The following C15orf39 variants were observed in gnomAD, a reference collection of about 807,000 sequenced individuals.
C15orf39 encodes the protein uncharacterized protein C15orf39.
In C15orf39, 24 loss-of-function variants were observed where a neutral mutation model predicts 53.9. The ratio of observed to expected loss-of-function variants is 0.45; its 90% CI spans 0.32 to 0.63. The LOEUF (loss-of-function observed/expected upper bound fraction) is 0.63, where lower values mean the gene tolerates loss of function less well. Among genes scored for constraint, C15orf39 ranks in the 20% least tolerant of loss-of-function variants. The pLI, the probability that C15orf39 is intolerant of heterozygous loss-of-function variation, is 0.04. For synonymous variants in C15orf39, 569 were observed against 576.5 expected (o/e 0.99, Z 0.19); for missense variants, 1,271 against 1,347.9 (o/e 0.94, Z 0.89).
chr15:75,208,538 G>A lies in C15orf39; in HGVS notation c.2490G>A (p.Arg830=). 6.3e-7 allele frequency: 1 copy of A among 1,575,028 alleles called. No individual in the cohort carries two copies. The highest frequency in any genetic ancestry group is 8.6e-7 in the Non-Finnish European group (1 of 1,161,794). ...SQLQRFDRTH[R]CPFPHVVRAG... ...TGCAGCGCTTCGATCGCACCCACCG[G>A]TGCCCCTTCCCCCATGTGGTGCGAG... The change falls in exon 2 of 3, where the codon CGG becomes CGA. Residue 830 remains arginine, a synonymous_variant. Transcript: ENST00000394987.
Position 75,207,506 on chromosome 15 carries a change from T to C in C15orf39, c.1458T>C (p.Leu486=). ...LPPCARECQS[L]PQKEGARPPS... is the part of the protein sequence containing the mutation. ...CCTGTGCCCGGGAGTGCCAGTCTCT[T>C]CCACAGAAGGAGGGCGCAAGGCCAC... Residue 486 remains leucine, a synonymous_variant, in exon 2 of 3, where the codon CTT becomes CTC. Coordinates refer to ENST00000394987, the MANE Select transcript of C15orf39 (RefSeq NM_015492.5). 2 of 1,613,002 alleles carry C rather than the reference T, an allele frequency of 1.2e-6. No individual in the cohort carries two copies. Among genetic ancestry groups the C allele is most frequent in the Non-Finnish European group, 8.5e-7 (1 of 1,179,806 alleles).
intron 2 of C15orf39, among the ~76,000 whole-genome samples, chr15:75,210,518 CCAAA>C (rs1841785396): frequency 2.6e-5 from 4 of 152,306 alleles, no homozygotes; most frequent in African/African-American, 9.6e-5. Flanking sequence ...ATCCTTGTAC[CCAAA>C]CAGCCTCTCC....
rs1281136726 is a variant in C15orf39, at chr15:75,206,164, A to T, written c.116A>T (p.Asp39Val). 6.2e-7 allele frequency: 1 copy of T among 1,613,978 alleles called. No homozygotes were observed. The highest frequency in any genetic ancestry group is 1.7e-5 in the Admixed American group (1 of 59,996). Residue 39 changes from aspartate (D) to valine (V), a missense_variant, in exon 2 of 3, where the codon GAT (aspartate) becomes GTT (valine). Physicochemically the swap from Asp to Val is radical, Grantham distance 152. This residue lies in a region of C15orf39 where 994 missense variants were observed against 993.7 expected (regional missense o/e 1.00). Coordinates refer to ENST00000394987, the MANE Select transcript of C15orf39 (RefSeq NM_015492.5). ...CTGCCCCACTCTGTTGGTAACCAGG[A>T]TCCCTGCACCTACAAGGGGTCCTAC... ...HSLPHSVGNQ[D>V]PCTYKGSYFS...
intron 2 of C15orf39, among the ~76,000 whole-genome samples, chr15:75,210,505 C>T (rs57536322): frequency 2.0e-5 from 3 of 152,202 alleles, no homozygotes. Context: ...CCCCTTTGCT[C>T]TCATCCTTGT....
upstream of C15orf39, among the ~76,000 whole-genome samples, chr15:75,200,275 C>G (rs1241467748): frequency 6.6e-6 from 1 of 152,146 alleles, no homozygotes; most frequent in Non-Finnish European, 1.5e-5. Context: ...GTGAGGTGTC[C>G]CTGAATTAAC....
In C15orf39 at chr15:75,208,191, G is replaced by T; in HGVS notation, c.2143G>T (p.Ala715Ser). The change falls in exon 2 of 3, where the codon GCT (alanine) becomes TCT (serine). Residue 715 changes from alanine (A) to serine (S), a missense_variant. Transcript: ENST00000394987. ...SLALPSPPAVAVASPAPAPAP... is the reference protein window; with the variant it reads ...SLALPSPPAVSVASPAPAPAP... ...GGCACTGCCCAGCCCTCCAGCCGTA[G>T]CTGTGGCCTCCCCTGCCCCTGCTCC... The T allele has an allele frequency of 6.2e-7, 1 of 1,613,942 alleles. No homozygotes were observed. The highest frequency in any genetic ancestry group is 2.2e-5 in the East Asian group (1 of 44,890).
rs930564692 is a variant in C15orf39 at position 75,211,813 on chromosome 15, C to G, written c.*697C>G. 3 of 152,270 alleles carry G rather than the reference C, an allele frequency of 2.0e-5. No homozygotes were observed. Among genetic ancestry groups the G allele is most frequent in the Admixed American group, 6.5e-5 (1 of 15,286 alleles). 9.4% of individuals were successfully genotyped at this position (152,270 alleles called of 1,614,324 possible). On this transcript the variant is annotated 3_prime_UTR_variant, in exon 3 of 3. Coordinates refer to ENST00000394987, the MANE Select transcript of C15orf39 (RefSeq NM_015492.5). Reference sequence around the variant, plus strand: ...TCTGGGCCTGCTGCTGCCGCCACCCCAGGAGGCCCCAGGCCTGTCCTGAAT... The same window carrying G: ...TCTGGGCCTGCTGCTGCCGCCACCCGAGGAGGCCCCAGGCCTGTCCTGAAT...
chr15:75,204,968 C>T (rs2070428338), intron 1 of C15orf39, among the ~76,000 whole-genome samples: 1 of 152,140 alleles, frequency 6.6e-6, no homozygotes, highest in African/African-American at 2.4e-5. Flanking sequence ...TGCTGGGCTG[C>T]CCTGACTCCT....
Position 75,211,201 on chromosome 15 carries a change from T to C in C15orf39, c.*85T>C. On this transcript the variant is annotated 3_prime_UTR_variant, in exon 3 of 3. Coordinates refer to ENST00000394987, the MANE Select transcript of C15orf39 (RefSeq NM_015492.5). Reference sequence around the variant, plus strand: ...CAGCTGCCCCGGGGCCACGAGTGGATGCTGGGGCTGTGGCTGCTCCCCTGG... The same window carrying C: ...CAGCTGCCCCGGGGCCACGAGTGGACGCTGGGGCTGTGGCTGCTCCCCTGG... 6.7e-7 allele frequency: 1 copy of C among 1,494,942 alleles called. No individual in the cohort carries two copies. The highest frequency in any genetic ancestry group is 8.9e-7 in the Non-Finnish European group (1 of 1,122,124). 92.6% of individuals were successfully genotyped at this position (1,494,942 alleles called of 1,614,324 possible). A position where few individuals can be genotyped will look rare whatever the true frequency, so the allele number is the denominator to read the frequency against.
chr15:75,203,055 G>A (rs1567136496), intron 1 of C15orf39, among the ~76,000 whole-genome samples: 1 of 152,266 alleles, frequency 6.6e-6, no homozygotes, highest in East Asian at 1.9e-4. Context: ...AGAGCCCAGA[G>A]CCTCAGGTAG....
chr15:75,208,310 A>T lies in C15orf39; in HGVS notation c.2262A>T (p.Ala754=). ...APAPVAGPAP[A]STSAPGDSLE... ...CTCCAGTTGCAGGCCCTGCTCCAGC[A>T]TCTACTTCAGCCCCAGGGGACTCCC... is the stretch of plus-strand genomic sequence containing the variant. The change falls in exon 2 of 3, where the codon GCA becomes GCT. Residue 754 remains alanine, a synonymous_variant. Transcript: ENST00000394987. The T allele has an allele frequency of 6.3e-7, 1 of 1,576,174 alleles. No homozygotes were observed. The highest frequency in any genetic ancestry group is 8.6e-7 in the Non-Finnish European group (1 of 1,160,698).
In C15orf39 at chr15:75,207,060, C is replaced by T; in HGVS notation, c.1012C>T (p.Leu338=). The change falls in exon 2 of 3, where the codon CTG becomes TTG. Residue 338 remains leucine (L), a synonymous_variant. Transcript: ENST00000394987. ...QAAQAPYIPP[L]GLDAYPYPSA... is the part of the protein sequence containing the mutation. ...AGCCCAGGCACCTTACATTCCCCCA[C>T]TGGGGCTGGACGCTTACCCCTACCC... The T allele has an allele frequency of 1.9e-6, 3 of 1,610,400 alleles. No individual in the cohort carries two copies. The highest frequency in any genetic ancestry group is 1.3e-5 in the African/African-American group (1 of 74,972).
chr15:75,206,304 A>C lies in C15orf39; in HGVS notation c.256A>C (p.Asn86His). ...GMAGPPLQAD[N>H]LLTNCLFYRS... ...GGCAGGACCCCCACTTCAGGCAGAC[A>C]ACCTGCTGACCAACTGCCTGTTCTA... Residue 86 changes from asparagine to histidine, a missense_variant, in exon 2 of 3, where the codon AAC (asparagine) becomes CAC (histidine). By Grantham distance (68) the Asn-to-His change is moderately conservative (BLOSUM62 1). Coordinates refer to ENST00000394987, the MANE Select transcript of C15orf39 (RefSeq NM_015492.5). 7.4e-6 allele frequency: 12 copies of C among 1,614,028 alleles called. No homozygotes were observed. Among genetic ancestry groups the C allele is most frequent in the Non-Finnish European group, 1.0e-5 (12 of 1,179,972 alleles).
Position 75,208,025 on chromosome 15 carries a change from G to A in C15orf39, c.1977G>A (p.Pro659=), listed in dbSNP as rs142490711. 121 of 1,613,890 alleles carry A rather than the reference G, an allele frequency of 7.5e-5. No homozygotes were observed. The highest frequency in any genetic ancestry group is 3.3e-4 in the Middle Eastern group (2 of 6,084). ...TCCGAAAGTTCAAGATCCTCCGTCCGGCACCTTTGCCTGCAGCCGTGGTCC... is the reference window on the plus strand; with the variant it reads ...TCCGAAAGTTCAAGATCCTCCGTCCAGCACCTTTGCCTGCAGCCGTGGTCC... ...FMFRKFKILR[P]APLPAAVVPS... The change falls in exon 2 of 3, where the codon CCG becomes CCA. Residue 659 remains proline, a synonymous_variant. Coordinates refer to ENST00000394987, the MANE Select transcript of C15orf39 (RefSeq NM_015492.5).
chr15:75,201,185 C>A (rs994382568), upstream of C15orf39, among the ~76,000 whole-genome samples: 3 of 152,300 alleles, frequency 2.0e-5, no homozygotes, highest in Non-Finnish European at 4.4e-5. The surrounding 1 kb of genome is among the most constrained non-coding windows in gnomAD (Gnocchi z 4.7). Context: ...TTCCCCCCTC[C>A]AGCCTCTCTT....
chr15:75,209,222 T>G (rs2070466240), intron 2 of C15orf39: 5 of 194,966 alleles, frequency 2.6e-5, no homozygotes, highest in South Asian at 1.7e-4. Flanking sequence ...TTGTGAGCTC[T>G]AGCCCTAAAT....
chr15:75,208,829 G>A lies in C15orf39; in HGVS notation c.2776+5G>A, dbSNP rs761724857. The A allele has an allele frequency of 6.3e-7, 1 of 1,583,852 alleles. No homozygotes were observed. Among genetic ancestry groups the A allele is most frequent in the South Asian group, 1.1e-5 (1 of 87,466 alleles). On this transcript the variant is annotated splice_donor_5th_base_variant and intron_variant, in intron 2 of 2. Transcript: ENST00000394987. ...ACTGTGTACGCCGCCAGCTGGGTGA[G>A]CATGGGGCAGCCCCAGTGGCCACCG...
At chr15:75,199,830 C>T (rs548131105), upstream of C15orf39, among the ~76,000 whole-genome samples, 31 of 152,346 alleles carry the variant, frequency 2.0e-4, no homozygotes, top group African/African-American at 7.0e-4. Flanking sequence ...CTGTTCCCTT[C>T]TCTGCTTTTA....
rs200450891 is a variant in C15orf39 at position 75,207,464 on chromosome 15, C to G, written c.1416C>G (p.Thr472=). Residue 472 remains threonine, a synonymous_variant, in exon 2 of 3, where the codon ACC becomes ACG. Transcript: ENST00000394987. Reference sequence around the variant, plus strand: ...TCCGAGACAGTCCAGTTCCCTGTACCCCCCCAGCACTGCCCCCCTGTGCCC... The same window carrying G: ...TCCGAGACAGTCCAGTTCCCTGTACGCCCCCAGCACTGCCCCCCTGTGCCC... ...IVIRDSPVPC[T]PPALPPCARE... 1.2e-6 allele frequency: 2 copies of G among 1,613,572 alleles called. No homozygotes were observed. Among genetic ancestry groups the G allele is most frequent in the South Asian group, 1.1e-5 (1 of 91,074 alleles).
Sources: gnomAD v4.1 joint callset for allele counts (sites outside exome capture counted in the v4.1 genomes callset) on GRCh38, gnomAD v4.1.1 for gene constraint, gnomAD v4.1.1 regional missense constraint, Gnocchi (gnomAD v3.1) non-coding constraint, MANE v1.5 for transcripts, NCBI Gene and HGNC (gene_info 2026-07-23, HGNC 2026-07-21) for gene names.